Variants in GNB5 observed in about 807,000 individuals in gnomAD.
GNB5 encodes guanine nucleotide-binding protein subunit beta-5.
In GNB5, 37 loss-of-function variants were observed where a neutral mutation model predicts 55.3. That is an observed-to-expected ratio of 0.67 (90% CI 0.51 to 0.88). The LOEUF is 0.88. GNB5 is among the 40% of genes least tolerant of loss of function. The pLI is 0.00. For synonymous variants in GNB5, 219 were observed against 198.5 expected, an observed-to-expected ratio of 1.10 and a Z score of -0.87; for missense variants, 476 against 515.3, an observed-to-expected ratio of 0.92 and a Z score of 0.74.
At chr15:52,153,868 G>T in intron 4 of GNB5, 72 bp downstream of exon 4, 1 of 1,318,502 alleles carries the variant, frequency 7.6e-7, no homozygotes. Flanking sequence ...CTTTTGGAAA[G>T]GGACAGCTCT....
At chr15:52,166,653 C>T (rs534201035) in intron 3 of GNB5, among the ~76,000 whole-genome samples, 4 of 152,196 alleles carry the variant, frequency 2.6e-5, no homozygotes, top group Admixed American at 6.5e-5. Flanking sequence ...TAAGAGACAA[C>T]GTACCAGAAT....
intron 3 of GNB5, among the ~76,000 whole-genome samples, chr15:52,169,763 C>A (rs916592659): frequency 1.3e-5 from 2 of 151,988 alleles, no homozygotes; most frequent in Non-Finnish European, 2.9e-5. Flanking sequence ...GCAAAATAAA[C>A]TACATCAGAG....
chr15:52,189,892 T>C (rs752514527), intron 1 of GNB5, among the ~76,000 whole-genome samples: 10 of 151,416 alleles, frequency 6.6e-5, no homozygotes, highest in African/African-American at 1.5e-4. Flanking sequence ...AGCAGATGAG[T>C]AGTTGCGAGG....
chr15:52,130,316 C>T (rs1470956399), intron 9 of GNB5, among the ~76,000 whole-genome samples: 1 of 152,126 alleles, frequency 6.6e-6, no homozygotes, highest in Admixed American at 6.5e-5. Context: ...ACATGGTAGC[C>T]AGTGTTCGCC....
At chr15:52,132,636 A>ATTTTTTTTTTTTTTT (rs1216272462) in intron 9 of GNB5, among the ~76,000 whole-genome samples, 11 of 134,804 alleles carry the variant, frequency 8.2e-5, no homozygotes, top group South Asian at 2.4e-4. Context: ...TGCCCTGCTA[A>ATTTTTTTTTTTTTTT]TTTTTTTTTT....
At chr15:52,123,352 AAACTATT>A (rs1309481935) in intron 12 of GNB5, among the ~76,000 whole-genome samples, 1 of 151,856 alleles carries the variant, frequency 6.6e-6, no homozygotes, top group Non-Finnish European at 1.5e-5. Context: ...AGCAATCCTA[AAACTATT>A]ATGCCACAAA....
rs190196078 is a variant in GNB5 at position 52,137,066 on chromosome 15, C to A, written c.628-1310G>T. Reference sequence around the variant, plus strand: ...AAAGCTAAAACGGCCTTGCAAGACCCACCTTAAAATCACCAAGCCTGGACC... The same window carrying A: ...AAAGCTAAAACGGCCTTGCAAGACCAACCTTAAAATCACCAAGCCTGGACC... On this transcript the variant is annotated intron_variant, in intron 7 of 12. Coordinates refer to ENST00000261837, the MANE Select transcript of GNB5 (RefSeq NM_016194.4). The A allele has an allele frequency of 1.0e-5, 5 of 483,938 alleles. No homozygotes were observed. The East Asian group carries it at 3.5e-4, about 34-fold the overall frequency. 30.0% of individuals were successfully genotyped at this position (483,938 alleles called of 1,614,324 possible).
intron 7 of GNB5, chr15:52,137,675 G>A: frequency 8.4e-7 from 1 of 1,184,772 alleles, no homozygotes; most frequent in Non-Finnish European, 1.1e-6. Flanking sequence ...TGTGTATGAG[G>A]CCTGGGCTCT....
At chr15:52,179,717 A>C in intron 3 of GNB5, 51 bp downstream of exon 3, 52 of 584,502 alleles carry the variant, frequency 8.9e-5, no homozygotes, top group Non-Finnish European at 1.1e-4. Context: ...CCCGCCCGGG[A>C]AGTGGCGAGC....
chr15:52,184,072 C>T (rs2034811193), intron 2 of GNB5, among the ~76,000 whole-genome samples: 1 of 152,164 alleles, frequency 6.6e-6, no homozygotes, highest in African/African-American at 2.4e-5. Flanking sequence ...AAAGATGCTC[C>T]TAGACTGTTT....
chr15:52,153,066 T>C (rs1027779891), intron 4 of GNB5, among the ~76,000 whole-genome samples: 5 of 152,244 alleles, frequency 3.3e-5, no homozygotes, highest in African/African-American at 9.6e-5. Flanking sequence ...AGTCACACTT[T>C]TCTATAGTCT....
intron 1 of GNB5, among the ~76,000 whole-genome samples, chr15:52,187,269 T>C (rs970549185): frequency 6.6e-6 from 1 of 152,032 alleles, no homozygotes; most frequent in Non-Finnish European, 1.5e-5. Flanking sequence ...CTCCCAGTAA[T>C]AGCATTAGGA....
chr15:52,169,538 C>CAAAAAAAAAAAAAAAAAAAAAAAAA, intron 3 of GNB5, among the ~76,000 whole-genome samples: 1 of 71,482 alleles, frequency 1.4e-5, no homozygotes, highest in East Asian at 5.9e-4. Context: ...GACTCTGTCT[C>CAAAAAAAAAAAAAAAAAAAAAAAAA]AAAAAAAAAA....
At chr15:52,165,919 T>C (rs1279852587) in intron 3 of GNB5, among the ~76,000 whole-genome samples, 2 of 152,116 alleles carry the variant, frequency 1.3e-5, no homozygotes, top group Non-Finnish European at 2.9e-5. Context: ...GAGTCCAGAC[T>C]CATTGGTATG....
In GNB5 at chr15:52,122,666, A is replaced by G. The variant is rs1262770120; in HGVS notation, c.*91T>C. Reference sequence around the variant, plus strand: ...GGGTTGCTCCCCTAAGCTACACTGCAATAAACTCTAAGCTCCTCTAGAAGT... The same window carrying G: ...GGGTTGCTCCCCTAAGCTACACTGCGATAAACTCTAAGCTCCTCTAGAAGT... On this transcript the variant is annotated 3_prime_UTR_variant, in exon 13 of 13. Coordinates refer to ENST00000261837, the MANE Select transcript of GNB5 (RefSeq NM_016194.4). 2 of 1,047,246 alleles carry G rather than the reference A, an allele frequency of 1.9e-6. No homozygotes were observed. Among genetic ancestry groups the G allele is most frequent in the African/African-American group, 1.6e-5 (1 of 64,106 alleles). 64.9% of individuals were successfully genotyped at this position (1,047,246 alleles called of 1,614,324 possible).
Position 52,147,457 on chromosome 15 carries a change from A to G in GNB5, c.494+2T>C. ...TGAAAAGCTGCTGTAGCTCCAACTT[A>G]CCCACAAGCAATGGCACATCCCGAT... On this transcript the variant is annotated splice_donor_variant, in intron 6 of 12. Transcript: ENST00000261837. LOFTEE classifies it high-confidence loss of function. 6.4e-7 allele frequency: 1 copy of G among 1,564,870 alleles called. No individual in the cohort carries two copies. The highest frequency in any genetic ancestry group is 8.8e-7 in the Non-Finnish European group (1 of 1,135,168).
chr15:52,117,102 A>ATATTTTTTTTTTTTTTT lies in GNB5; in HGVS notation c.*5654_*5655insAAAAAAAAAAAAAAATA. The ATATTTTTTTTTTTTTTT allele has an allele frequency of 6.9e-5, 6 of 87,096 alleles. No homozygotes were observed. The highest frequency in any genetic ancestry group is 3.6e-4 in the African/African-American group (6 of 16,444). 5.4% of individuals were successfully genotyped at this position (87,096 alleles called of 1,614,324 possible). On this transcript the variant is annotated 3_prime_UTR_variant, in exon 13 of 13. Transcript: ENST00000261837. ...CCACGCCCAGCTAATATATATATAT[A>ATATTTTTTTTTTTTTTT]TTTTTTTTTAGTACAGACAGGGTTT...
intron 7 of GNB5, chr15:52,139,986 T>C: frequency 8.0e-7 from 1 of 1,256,338 alleles, no homozygotes; most frequent in Non-Finnish European, 1.0e-6. Context: ...CAAAGACATC[T>C]CATTTTGGCC....
Position 52,138,011 on chromosome 15 carries a change from C to T in GNB5, c.628-2255G>A, listed in dbSNP as rs965210553. 3.3e-6 allele frequency: 4 copies of T among 1,216,608 alleles called. No homozygotes were observed. The East Asian group carries it at 1.7e-4, about 51-fold the overall frequency. The allele number at this position is 1,216,608 out of a possible 1,614,324, so 75.4% of individuals were successfully genotyped here. On this transcript the variant is annotated intron_variant, in intron 7 of 12. Coordinates refer to ENST00000261837, the MANE Select transcript of GNB5 (RefSeq NM_016194.4). ...CATGCAATGCAACCACTGACCACAC[C>T]ACACCTTCAATTTCCAGCTGCTGAT... is the stretch of plus-strand genomic sequence containing the variant.
Sources: allele counts gnomAD v4.1 joint callset (sites outside exome capture counted in the v4.1 genomes callset), GRCh38; gene constraint gnomAD v4.1.1; transcripts MANE v1.5; gene names NCBI Gene and HGNC (gene_info 2026-07-23, HGNC 2026-07-21).